ZNF565: variants seen among roughly 807,000 people sequenced by gnomAD.
The protein encoded by ZNF565 is zinc finger protein 565.
In ZNF565, 27 loss-of-function variants were observed where a neutral mutation model predicts 39.4. The ratio of observed to expected loss-of-function variants is 0.69; its 90% CI spans 0.51 to 0.95. The LOEUF (loss-of-function observed/expected upper bound fraction) is 0.95, where lower values mean the gene tolerates loss of function less well. Ranked by LOEUF, ZNF565 falls within the 40% of genes least tolerant of loss-of-function variation. The pLI, the probability that ZNF565 is intolerant of heterozygous loss-of-function variation, is 0.00. For missense variants in ZNF565, 524 were observed against 621.1 expected (o/e 0.84, Z 1.66); for synonymous variants, 185 against 216.6 (o/e 0.85, Z 1.28).
At chr19:36,218,299 G>A (rs1976698240), upstream of ZNF565, 1 of 151,900 alleles carries the variant, frequency 6.6e-6, no homozygotes, top group South Asian at 2.1e-4. Context: ...GTTAATACAT[G>A]TAAAGTTCTA....
At position 36,231,468 on chromosome 19, in the gene ZNF565, C is replaced by T. The variant is rs553266947; in HGVS notation, c.55+14008G>A. ...AAGTGATCTGCCCGCCTCAGCCTCT[C>T]AAAGTGCTAGGATTACAGGCGGGAG... On this transcript the variant is annotated intron_variant, in intron 1 of 4. Coordinates refer to the ZNF565 transcript ENST00000355114. Among the ~76,000 whole-genome samples, 3 of 152,266 alleles carry T rather than the reference C, an allele frequency of 2.0e-5. No individual in the cohort carries two copies. The South Asian group carries it at 6.2e-4, about 32-fold the overall frequency.
chr19:36,193,117 T>C (rs954516520), intron 4 of ZNF565, among the ~76,000 whole-genome samples: 3 of 151,964 alleles, frequency 2.0e-5, no homozygotes, highest in Non-Finnish European at 4.4e-5. Flanking sequence ...TGCCTCAGCC[T>C]CCTGAGTAGC....
chr19:36,188,385 AAAAATT>A (rs1975393554), intron 4 of ZNF565, among the ~76,000 whole-genome samples: 1 of 151,414 alleles, frequency 6.6e-6, no homozygotes, highest in Non-Finnish European at 1.5e-5. Flanking sequence ...AGAGAGAAAA[AAAAATT>A]AAAAACAAAA....
intron 1 of ZNF565, among the ~76,000 whole-genome samples, chr19:36,234,587 T>C (rs1001703933): frequency 1.3e-5 from 2 of 152,138 alleles, no homozygotes; most frequent in Non-Finnish European, 1.5e-5. Context: ...TTAGTAGAGA[T>C]GGGGTTTCAC....
rs775632023 is a variant in ZNF565, at chr19:36,183,549, G to A, written c.417C>T (p.Asn139=). 8 of 1,614,096 alleles carry A rather than the reference G, an allele frequency of 5.0e-6. No individual in the cohort carries two copies. The highest frequency in any genetic ancestry group is 6.8e-6 in the Non-Finnish European group (8 of 1,180,058). Residue 139 remains asparagine, a synonymous_variant, in exon 5 of 5, where the codon AAC becomes AAT. Transcript: ENST00000304116. ...ACACGGGCATATGTCCATAGGTGAC[G>A]TTCACTTGCTTAAAATAGCACTCTT... ...VNEECYFKQV[N]VTYGHMPVFQ...
chr19:36,182,448 C>T lies in ZNF565; in HGVS notation c.*18G>A. Reference sequence around the variant, plus strand: ...CTCCACATAAAGGCTTATCTTTATCCCTTACACTCAAGGCTTTCTAACCAG... The same window carrying T: ...CTCCACATAAAGGCTTATCTTTATCTCTTACACTCAAGGCTTTCTAACCAG... On this transcript the variant is annotated 3_prime_UTR_variant, in exon 5 of 5. Transcript: ENST00000304116. 1.3e-6 allele frequency: 2 copies of T among 1,538,990 alleles called. No homozygotes were observed. The highest frequency in any genetic ancestry group is 1.7e-6 in the Non-Finnish European group (2 of 1,144,940).
chr19:36,236,209 A>G (rs994560719), intron 1 of ZNF565: 7 of 467,834 alleles, frequency 1.5e-5, no homozygotes, highest in African/African-American at 2.0e-5. Context: ...GAAGGTAGCA[A>G]TACTTCATTG....
intron 1 of ZNF565, among the ~76,000 whole-genome samples, chr19:36,202,345 C>T (rs571657572): frequency 2.6e-5 from 4 of 151,780 alleles, no homozygotes; most frequent in South Asian, 4.2e-4. Flanking sequence ...CCAGCCTGGG[C>T]GACAGAGCGA....
At chr19:36,188,753 G>C (rs1019754082) in intron 4 of ZNF565, among the ~76,000 whole-genome samples, 1 of 149,902 alleles carries the variant, frequency 6.7e-6, no homozygotes, top group Admixed American at 6.7e-5. Context: ...ACAAAAAACA[G>C]ATGAGTGAAT....
rs1476034827 is a variant in ZNF565, at chr19:36,182,325, G to T, written c.*141C>A. 6 of 597,022 alleles carry T rather than the reference G, an allele frequency of 1.0e-5. No homozygotes were observed. The highest frequency in any genetic ancestry group is 1.6e-5 in the Non-Finnish European group (6 of 385,296). 37.0% of individuals were successfully genotyped at this position (597,022 alleles called of 1,614,324 possible). ...TCCCACATTTATTTAATTTTCTTTGGGTGTGAGTTTTCTGATGTTCTATGA... is the reference window on the plus strand; with the variant it reads ...TCCCACATTTATTTAATTTTCTTTGTGTGTGAGTTTTCTGATGTTCTATGA... On this transcript the variant is annotated 3_prime_UTR_variant, in exon 5 of 5. Coordinates refer to ENST00000304116, the MANE Select transcript of ZNF565 (RefSeq NM_152477.5).
intron 4 of ZNF565, among the ~76,000 whole-genome samples, chr19:36,193,399 T>C (rs1425177655): frequency 6.6e-6 from 1 of 151,820 alleles, no homozygotes; most frequent in Non-Finnish European, 1.5e-5. Flanking sequence ...ATTACAGGCA[T>C]GAGCCACCAT....
rs1328122035 is a variant in ZNF565 at position 36,201,978 on chromosome 19, T to A, written c.8A>T (p.Gln3Leu). The A allele has an allele frequency of 6.2e-7, 1 of 1,614,092 alleles. No individual in the cohort carries two copies. Among genetic ancestry groups the A allele is most frequent in the Non-Finnish European group, 8.5e-7 (1 of 1,179,966 alleles). ...AGGATAGAAGGAATTTCAACATACC[T>A]GGGCCATGGCTTTTAGAACTATTTG... MA[Q>L]GLVTFRDVAI... is the part of the protein sequence containing the mutation. Residue 3 changes from glutamine (Q) to leucine (L), a missense_variant and splice_region_variant, in exon 2 of 5, where the codon CAG (glutamine) becomes CTG (leucine). By Grantham distance (113) the Gln-to-Leu change is moderately radical. Coordinates refer to ENST00000304116, the MANE Select transcript of ZNF565 (RefSeq NM_152477.5).
upstream of ZNF565, among the ~76,000 whole-genome samples, chr19:36,218,918 C>G (rs1410709755): frequency 6.6e-6 from 1 of 151,790 alleles, no homozygotes; most frequent in East Asian, 1.9e-4. Context: ...ACGCCATTCT[C>G]CAGCCTTAGC....
At chr19:36,186,786 T>TA (rs201900266) in intron 4 of ZNF565, among the ~76,000 whole-genome samples, 75 of 148,616 alleles carry the variant, frequency 5.0e-4, no homozygotes, top group Non-Finnish European at 9.4e-4. Flanking sequence ...AGAACTTGTT[T>TA]AAAAAAAAAA....
chr19:36,232,704 T>C (rs1977439881), intron 1 of ZNF565, among the ~76,000 whole-genome samples: 1 of 151,220 alleles, frequency 6.6e-6, no homozygotes, highest in African/African-American at 2.4e-5. Flanking sequence ...CACCTCCCGG[T>C]TTCAAGTGAT....
chr19:36,222,996 T>C (rs1471307911), intron 1 of ZNF565, among the ~76,000 whole-genome samples: 1 of 152,078 alleles, frequency 6.6e-6, no homozygotes, highest in Admixed American at 6.6e-5. Flanking sequence ...ATGTATTTTT[T>C]AGAGGCACAG....
chr19:36,199,506 C>CTTTTTTTTTTTTTTTTT (rs1183093969), intron 2 of ZNF565, among the ~76,000 whole-genome samples: 1 of 128,954 alleles, frequency 7.8e-6, no homozygotes, highest in Non-Finnish European at 1.6e-5. Context: ...CTTTCTTTCT[C>CTTTTTTTTTTTTTTTTT]TTTTTTTTTT....
chr19:36,209,295 C>T (rs531703091), intron 1 of ZNF565, among the ~76,000 whole-genome samples: 312 of 152,142 alleles, frequency 2.1e-3, no homozygotes, highest in African/African-American at 7.1e-3. Context: ...CTTTGGGAGG[C>T]CGAGGCGGTT....
chr19:36,187,367 CTT>C (rs568132975), intron 4 of ZNF565, among the ~76,000 whole-genome samples: 2 of 148,506 alleles, frequency 1.3e-5, no homozygotes, highest in Non-Finnish European at 1.5e-5. Flanking sequence ...GACAGAGTCT[CTT>C]TTTTTTTTCT....
Sources: allele counts gnomAD v4.1 joint callset (sites outside exome capture counted in the v4.1 genomes callset), GRCh38; gene constraint gnomAD v4.1.1; transcripts MANE v1.5; gene names NCBI Gene and HGNC (gene_info 2026-07-23, HGNC 2026-07-21).